Variants in PAN3 observed in about 807,000 individuals in gnomAD.
The protein encoded by PAN3 is PAN2-PAN3 deadenylation complex subunit PAN3.
In PAN3, 19 loss-of-function variants were observed where a neutral mutation model predicts 96.2. The ratio of observed to expected loss-of-function variants is 0.20; its 90% CI spans 0.14 to 0.29. The LOEUF is 0.29. Ranked by LOEUF, PAN3 falls within the 10% of genes least tolerant of loss-of-function variation. The probability of loss-of-function intolerance (pLI) is 1.00; values close to 1 mark genes in which losing one functional copy is unlikely to be tolerated. For missense variants in PAN3, 882 were observed against 1,108.1 expected (o/e 0.80, Z 2.90); for synonymous variants, 433 against 406.6 (o/e 1.06, Z -0.78).
chr13:28,256,274 T>C lies in PAN3; in HGVS notation c.1001-18T>C, dbSNP rs1167818907. On this transcript the variant is annotated intron_variant, in intron 6 of 18. Coordinates refer to ENST00000380958, the MANE Select transcript of PAN3 (RefSeq NM_175854.8). The stretch of plus-strand genomic sequence containing the variant: ...CCAATTATTGCTCCATTAAGAAACA[T>C]TTTTACATCTTCTTCAGGAATGTCG... 1 of 1,604,730 alleles carries C rather than the reference T, an allele frequency of 6.2e-7. No individual in the cohort carries two copies. Among genetic ancestry groups the C allele is most frequent in the Non-Finnish European group, 8.5e-7 (1 of 1,175,284 alleles).
At chr13:28,194,327 C>A (rs993620163) in intron 4 of PAN3, among the ~76,000 whole-genome samples, 2 of 150,916 alleles carry the variant, frequency 1.3e-5, no homozygotes, top group East Asian at 1.9e-4. Flanking sequence ...AGTAAACGTT[C>A]TTTGATATGT....
rs1392678027 is a variant in PAN3, at chr13:28,159,749, A to G, written c.431-14523A>G. Among the ~76,000 whole-genome samples the G allele has an allele frequency of 3.3e-5, 5 of 152,130 alleles. No homozygotes were observed. In the East Asian group the frequency reaches 9.7e-4, roughly 30 times the overall value. ...AGGTGTGAGTCACCACACCTGGCCAATACTGGAGACTTATTGAGCAGGGAG... is the reference window on the plus strand; with the variant it reads ...AGGTGTGAGTCACCACACCTGGCCAGTACTGGAGACTTATTGAGCAGGGAG... On this transcript the variant is annotated intron_variant, in intron 1 of 18. Coordinates refer to ENST00000380958, the MANE Select transcript of PAN3 (RefSeq NM_175854.8).
intron 1 of PAN3, among the ~76,000 whole-genome samples, chr13:28,155,204 A>G (rs1475583957): frequency 6.6e-6 from 1 of 152,264 alleles, no homozygotes; most frequent in African/African-American, 2.4e-5. Context: ...ATGACGTAGT[A>G]TATGTGTTCT....
rs887883545 is a variant in PAN3 at position 28,251,222 on chromosome 13, C to T, written c.1001-5070C>T. The stretch of plus-strand genomic sequence containing the variant: ...TTGTCACTTCTTTCATATTCTTAAT[C>T]ACCTCCGTAGTAATTATATTTTATA... On this transcript the variant is annotated intron_variant, in intron 6 of 18. Coordinates refer to ENST00000380958, the MANE Select transcript of PAN3 (RefSeq NM_175854.8). Among the ~76,000 whole-genome samples the T allele has an allele frequency of 4.6e-5, 7 of 152,268 alleles. No homozygotes were observed. In the East Asian group the frequency reaches 1.3e-3, roughly 29 times the overall value.
At chr13:28,228,091 CAG>C (rs1371581732) in intron 6 of PAN3, among the ~76,000 whole-genome samples, 2 of 152,108 alleles carry the variant, frequency 1.3e-5, no homozygotes, top group Non-Finnish European at 2.9e-5. Flanking sequence ...CCTTTTAGCT[CAG>C]TGATACCCAG....
intron 6 of PAN3, among the ~76,000 whole-genome samples, chr13:28,243,707 G>C (rs1208488553): frequency 6.6e-6 from 1 of 151,982 alleles, no homozygotes; most frequent in Non-Finnish European, 1.5e-5. Flanking sequence ...TTTCTGTTGT[G>C]AGAGGGAGTG....
chr13:28,211,243 CA>C (rs908857424), intron 5 of PAN3, among the ~76,000 whole-genome samples: 4 of 151,406 alleles, frequency 2.6e-5, no homozygotes, highest in Non-Finnish European at 5.9e-5. Context: ...TTTAACAAGG[CA>C]AAAAAAATTC....
chr13:28,236,787 G>A (rs908433687), intron 6 of PAN3, among the ~76,000 whole-genome samples: 2 of 152,128 alleles, frequency 1.3e-5, no homozygotes, highest in African/African-American at 4.8e-5. Context: ...TTTTATTTTT[G>A]TAGAGATGGG....
intron 1 of PAN3, among the ~76,000 whole-genome samples, chr13:28,139,608 GA>G (rs1007106136): frequency 6.6e-6 from 1 of 151,076 alleles, no homozygotes; most frequent in African/African-American, 2.4e-5. Context: ...TGAAAGAACG[GA>G]AAAAGTTTGT....
Position 28,244,255 on chromosome 13 carries a change from AT to A in PAN3, c.1001-12033del, listed in dbSNP as rs1375923117. ...TCTTGAAGAAGTTAAATTGATGAACATTTTATTTTTTGACCTTCGGATTTTG... is the reference window on the plus strand; with the variant it reads ...TCTTGAAGAAGTTAAATTGATGAACATTTATTTTTTGACCTTCGGATTTTG... On this transcript the variant is annotated intron_variant, in intron 6 of 18. Coordinates refer to ENST00000380958, the MANE Select transcript of PAN3 (RefSeq NM_175854.8). Among the ~76,000 whole-genome samples, 3 of 152,140 alleles carry A rather than the reference AT, an allele frequency of 2.0e-5. No homozygotes were observed. The East Asian group carries it at 5.8e-4, about 29-fold the overall frequency.
Position 28,138,767 on chromosome 13 carries a change from C to G in PAN3, c.110C>G (p.Pro37Arg). Residue 37 changes from proline to arginine, a missense_variant, in exon 1 of 19, where the codon CCC becomes CGC. By Grantham distance (103) the Pro-to-Arg change is moderately radical. Around this residue, in one of 3 missense-constraint regions of PAN3, gnomAD observed 442 missense variants for 422.8 expected, o/e 1.05. Transcript: ENST00000380958. The part of the protein sequence containing the change: ...VVAPPGVGGV[P>R]GGAAVGVKLK... ...GCCCCGCCGGGGGTCGGGGGTGTCC[C>G]CGGCGGGGCGGCGGTAGGAGTGAAG... 3 of 1,364,394 alleles carry G rather than the reference C, an allele frequency of 2.2e-6. No individual in the cohort carries two copies. Among genetic ancestry groups the G allele is most frequent in the Non-Finnish European group, 2.8e-6 (3 of 1,063,042 alleles). The allele number at this position is 1,364,394 out of a possible 1,614,324, so 84.5% of individuals were successfully genotyped here. A position where few individuals can be genotyped will look rare whatever the true frequency, so the allele number is the denominator to read the frequency against.
intron 12 of PAN3, among the ~76,000 whole-genome samples, chr13:28,267,761 C>T (rs1238333771): frequency 1.1e-4 from 17 of 152,166 alleles, no homozygotes; most frequent in African/African-American, 2.4e-4. Context: ...TTCACTACCA[C>T]GAGAACAGTA....
In PAN3 at chr13:28,139,173, A is replaced by G; in HGVS notation, c.430+86A>G. The G allele has an allele frequency of 5.7e-6, 7 of 1,224,760 alleles. No individual in the cohort carries two copies. The South Asian group carries it at 1.9e-4, about 33-fold the overall frequency. 75.9% of individuals were successfully genotyped at this position (1,224,760 alleles called of 1,614,324 possible). A position where few individuals can be genotyped will look rare whatever the true frequency, so the allele number is the denominator to read the frequency against. ...GCCCTGCTGCCGACGGGAGCTGAGCACGGCCCGCGGGCTCCCCCCCTCACC... is the reference window on the plus strand; with the variant it reads ...GCCCTGCTGCCGACGGGAGCTGAGCGCGGCCCGCGGGCTCCCCCCCTCACC... On this transcript the variant is annotated intron_variant, in intron 1 of 18. Coordinates refer to ENST00000380958, the MANE Select transcript of PAN3 (RefSeq NM_175854.8).
chr13:28,164,410 T>C (rs957583979), intron 1 of PAN3, among the ~76,000 whole-genome samples: 2 of 152,242 alleles, frequency 1.3e-5, no homozygotes, highest in African/African-American at 4.8e-5. Context: ...TTGTTGAGGA[T>C]ATGCTAATGT....
intron 7 of PAN3, among the ~76,000 whole-genome samples, chr13:28,260,150 A>G (rs1593585137): frequency 6.6e-6 from 1 of 152,190 alleles, no homozygotes; most frequent in South Asian, 2.1e-4. Context: ...TAATCCCAGC[A>G]CTTTGGGAGG....
At chr13:28,262,372 T>A (rs1157812864) in intron 9 of PAN3, among the ~76,000 whole-genome samples, 1 of 152,176 alleles carries the variant, frequency 6.6e-6, no homozygotes, top group Non-Finnish European at 1.5e-5. Context: ...TAGGAATACA[T>A]TTGCCATAAA....
intron 1 of PAN3, among the ~76,000 whole-genome samples, chr13:28,164,866 C>T (rs1344980406): frequency 6.6e-6 from 1 of 152,128 alleles, no homozygotes. Flanking sequence ...TAATTGTGTA[C>T]ATTTATCTGT....
intron 13 of PAN3, 37 bp from the exon 14 acceptor site, chr13:28,271,944 T>C (rs1448149011): frequency 1.4e-6 from 2 of 1,393,440 alleles, no homozygotes; most frequent in Non-Finnish European, 9.7e-7. Context: ...TAAAAACTTA[T>C]TTTAATTATT....
intron 6 of PAN3, among the ~76,000 whole-genome samples, chr13:28,224,880 C>G (rs1283136258): frequency 6.6e-6 from 1 of 152,130 alleles, no homozygotes; most frequent in Non-Finnish European, 1.5e-5. Flanking sequence ...CTCAGTCTTT[C>G]AAAGTGCTAG....
Sources: allele counts gnomAD v4.1 joint callset (sites outside exome capture counted in the v4.1 genomes callset), GRCh38; gene constraint gnomAD v4.1.1; regional missense constraint gnomAD v4.1.1; transcripts MANE v1.5; gene names NCBI Gene and HGNC (gene_info 2026-07-23, HGNC 2026-07-21).